The following COMMD10 variants were observed in gnomAD, a reference collection of about 807,000 sequenced individuals.
COMMD10 encodes the protein COMM domain-containing protein 10.
In COMMD10, 33 loss-of-function variants were observed where a neutral mutation model predicts 28.9. The observed-to-expected ratio is 1.14, with a 90% CI of 0.87 to 1.53. The LOEUF (loss-of-function observed/expected upper bound fraction) is 1.53, where lower values mean the gene tolerates loss of function less well. Among genes scored for constraint, COMMD10 ranks in the 40% most tolerant of loss-of-function variants. COMMD10 has a pLI of 0.00. For synonymous variants in COMMD10, 110 were observed against 81.7 expected (o/e 1.35, Z -1.87); for missense variants, 310 against 233.4 (o/e 1.33, Z -2.14).
At chr5:116,226,507 A>G (rs1749398384) in intron 5 of COMMD10, among the ~76,000 whole-genome samples, 1 of 144,268 alleles carries the variant, frequency 6.9e-6, no homozygotes, top group Admixed American at 6.9e-5. Context: ...TCTATTTAGT[A>G]GTGCATTTAG....
In COMMD10 at chr5:116,256,399, T is replaced by G. The variant is rs572287588; in HGVS notation, c.511-35118T>G. ...GTGAAGTATAATTTAGATGTTAGTTTTAACTATAATAGACTGTAACTCCTT... is the reference window on the plus strand; with the variant it reads ...GTGAAGTATAATTTAGATGTTAGTTGTAACTATAATAGACTGTAACTCCTT... On this transcript the variant is annotated intron_variant, in intron 5 of 6. Transcript: ENST00000274458. Among the ~76,000 whole-genome samples, 414 of 151,836 alleles carry G rather than the reference T, an allele frequency of 2.7e-3. 11 individuals are homozygous for G. The highest frequency in any genetic ancestry group is 9.5e-3 in the African/African-American group (393 of 41,254).
Position 116,292,676 on chromosome 5 carries a change from A to G in COMMD10, c.*187A>G. The G allele has an allele frequency of 2.3e-6, 1 of 429,714 alleles. No individual in the cohort carries two copies. The highest frequency in any genetic ancestry group is 4.1e-6 in the Non-Finnish European group (1 of 242,846). 26.6% of individuals were successfully genotyped at this position (429,714 alleles called of 1,614,324 possible). A position where few individuals can be genotyped will look rare whatever the true frequency, so the allele number is the denominator to read the frequency against. On this transcript the variant is annotated 3_prime_UTR_variant, in exon 7 of 7. Coordinates refer to ENST00000274458, the MANE Select transcript of COMMD10 (RefSeq NM_016144.4). Reference sequence around the variant, plus strand: ...GTTAAGAATACTGAGGTTCTAATATACTTTCTTTAGTTCTGTGAGCCAACA... The same window carrying G: ...GTTAAGAATACTGAGGTTCTAATATGCTTTCTTTAGTTCTGTGAGCCAACA...
chr5:116,197,105 C>A (rs371464259), intron 5 of COMMD10, among the ~76,000 whole-genome samples: 5 of 151,688 alleles, frequency 3.3e-5, no homozygotes, highest in East Asian at 1.9e-4. Flanking sequence ...CTAAAGTAAA[C>A]CCTTTTGGCA....
At chr5:116,194,803 A>C (rs1050483410) in intron 5 of COMMD10, among the ~76,000 whole-genome samples, 2 of 152,138 alleles carry the variant, frequency 1.3e-5, no homozygotes, top group African/African-American at 4.8e-5. Flanking sequence ...AGCCCTTCCT[A>C]ATTAATTATG....
At chr5:116,279,236 A>G (rs1321287339) in intron 5 of COMMD10, among the ~76,000 whole-genome samples, 2 of 151,858 alleles carry the variant, frequency 1.3e-5, no homozygotes, top group African/African-American at 4.9e-5. Flanking sequence ...CGTAGGAATC[A>G]TGGGCCAGAG....
chr5:116,184,874 T>G (rs1289030118), intron 5 of COMMD10, among the ~76,000 whole-genome samples: 1 of 152,128 alleles, frequency 6.6e-6, no homozygotes, highest in Admixed American at 6.6e-5. Context: ...TTGGGGCTTT[T>G]AAATCAGCTT....
At chr5:116,199,714 G>A (rs879117078) in intron 5 of COMMD10, among the ~76,000 whole-genome samples, 1 of 152,048 alleles carries the variant, frequency 6.6e-6, no homozygotes, top group Admixed American at 6.6e-5. Flanking sequence ...AGGTCCACTA[G>A]CCTAAAATTT....
At chr5:116,135,417 G>A (rs985132551) in intron 5 of COMMD10, among the ~76,000 whole-genome samples, 4 of 152,184 alleles carry the variant, frequency 2.6e-5, no homozygotes, top group Admixed American at 6.5e-5. Context: ...TACATATAAT[G>A]TATTAGTTTA....
rs537069767 is a variant in COMMD10, at chr5:116,121,618, T to C, written c.400-12450T>C. Among the ~76,000 whole-genome samples the C allele has an allele frequency of 3.3e-5, 5 of 152,330 alleles. No individual in the cohort carries two copies. In the East Asian group the frequency reaches 9.6e-4, roughly 29 times the overall value. On this transcript the variant is annotated intron_variant, in intron 4 of 6. Transcript: ENST00000274458. ...CACCAACAGTGTAAAAGCATTCCTA[T>C]TTCTCCACATCCTCTTCAGCATCTG...
intron 5 of COMMD10, among the ~76,000 whole-genome samples, chr5:116,205,492 T>C (rs1287621314): frequency 6.6e-6 from 1 of 152,146 alleles, no homozygotes; most frequent in Non-Finnish European, 1.5e-5. Flanking sequence ...AGCCTTCCTT[T>C]CAGTTACGGG....
chr5:116,276,686 GA>G (rs1291990531), intron 5 of COMMD10, among the ~76,000 whole-genome samples: 2 of 151,734 alleles, frequency 1.3e-5, no homozygotes, highest in African/African-American at 4.9e-5. Context: ...TTGCTAAACA[GA>G]ATTTTTACTG....
At chr5:116,246,414 A>G (rs570170715) in intron 5 of COMMD10, among the ~76,000 whole-genome samples, 1 of 152,204 alleles carries the variant, frequency 6.6e-6, no homozygotes, top group African/African-American at 2.4e-5. Flanking sequence ...TCCCAAAGCA[A>G]TTTATAGATT....
chr5:116,178,432 G>GTTA (rs1036802105), intron 5 of COMMD10, among the ~76,000 whole-genome samples: 2 of 151,980 alleles, frequency 1.3e-5, no homozygotes, highest in African/African-American at 4.8e-5. Flanking sequence ...CATATTTGGA[G>GTTA]TTATTATAAA....
intron 5 of COMMD10, among the ~76,000 whole-genome samples, chr5:116,283,149 A>G (rs1282248812): frequency 6.6e-6 from 1 of 151,922 alleles, no homozygotes. Flanking sequence ...ATCATGCAAT[A>G]CTGCAGATGA....
intron 5 of COMMD10, among the ~76,000 whole-genome samples, chr5:116,153,432 A>T (rs893096689): frequency 6.6e-6 from 1 of 152,016 alleles, no homozygotes; most frequent in Non-Finnish European, 1.5e-5. Flanking sequence ...GTCAGCCTGG[A>T]TGGGTGGGGC....
chr5:116,119,682 G>C (rs1751358809), intron 4 of COMMD10, among the ~76,000 whole-genome samples: 1 of 152,062 alleles, frequency 6.6e-6, no homozygotes, highest in Non-Finnish European at 1.5e-5. Flanking sequence ...TGTGATCATA[G>C]CTCACTGCAG....
Position 116,220,615 on chromosome 5 carries a change from ACTGGAAAAATAAT to A in COMMD10, c.511-70901_511-70889del, listed in dbSNP as rs1309477126. Among the ~76,000 whole-genome samples the A allele has an allele frequency of 6.6e-5, 10 of 152,304 alleles. No individual in the cohort carries two copies. The East Asian group carries it at 1.9e-3, about 29-fold the overall frequency. On this transcript the variant is annotated intron_variant, in intron 5 of 6. Coordinates refer to ENST00000274458, the MANE Select transcript of COMMD10 (RefSeq NM_016144.4). Reference sequence around the variant, plus strand: ...TATGCAACCCAAGCATTGTATAAACACTGGAAAAATAATATAACTCACACGTCTGTTATTCCAC... The same window carrying A: ...TATGCAACCCAAGCATTGTATAAACAATAACTCACACGTCTGTTATTCCAC...
At chr5:116,087,438 G>A in intron 1 of COMMD10, 59 bp from the exon 2 acceptor site, 1 of 974,896 alleles carries the variant, frequency 1.0e-6, no homozygotes, top group Non-Finnish European at 1.7e-6. Context: ...GACAACTATA[G>A]AAAGTGCAGT....
intron 5 of COMMD10, among the ~76,000 whole-genome samples, chr5:116,186,911 T>C (rs1453320258): frequency 2.6e-5 from 4 of 152,170 alleles, no homozygotes; most frequent in South Asian, 4.1e-4. Flanking sequence ...GCACAACATA[T>C]ATACTTTTCC....
Sources: gnomAD v4.1 joint callset for allele counts (sites outside exome capture counted in the v4.1 genomes callset) on GRCh38, gnomAD v4.1.1 for gene constraint, MANE v1.5 for transcripts, NCBI Gene and HGNC (gene_info 2026-07-23, HGNC 2026-07-21) for gene names.